The following BACH2 variants were observed in gnomAD, a reference collection of about 807,000 sequenced individuals.
The protein encoded by BACH2 is transcription regulator protein BACH2.
A neutral mutation model predicts 61.8 loss-of-function variants in BACH2; 5 were observed. The ratio of observed to expected loss-of-function variants is 0.08; its 90% CI spans 0.04 to 0.17. BACH2 has a LOEUF of 0.17. Among genes scored for constraint, BACH2 ranks in the 10% least tolerant of loss-of-function variants. BACH2 has a pLI of 1.00. For missense variants in BACH2, 824 were observed against 1,091.1 expected (o/e 0.76, Z 3.45); for synonymous variants, 446 against 440.1 (o/e 1.01, Z -0.17).
At chr6:90,120,123 C>T (rs1783562439) in intron 4 of BACH2, among the ~76,000 whole-genome samples, 1 of 149,870 alleles carries the variant, frequency 6.7e-6, no homozygotes, top group Non-Finnish European at 1.5e-5. Flanking sequence ...ACAAGACAGA[C>T]ATATCACATA....
chr6:90,100,704 C>CACACACACACACACACAG lies in BACH2; in HGVS notation c.-161-11596_-161-11595insCTGTGTGTGTGTGTGTGT, dbSNP rs1554245797. On this transcript the variant is annotated intron_variant, in intron 4 of 8. Coordinates refer to ENST00000257749, the MANE Select transcript of BACH2 (RefSeq NM_021813.4). ...CTCTCTCTACACACACACACACAGA[C>CACACACACACACACACAG]ACACACACACACACACACACACAGA... 8.6e-3 allele frequency among the ~76,000 whole-genome samples: 570 copies of CACACACACACACACACAG among 66,346 alleles called. 5 individuals are homozygous for CACACACACACACACACAG. The highest frequency in any genetic ancestry group is 0.041 in the South Asian group (101 of 2,434). The allele number at this position is 66,346 out of a possible 152,430, so 43.5% of individuals were successfully genotyped here.
intron 7 of BACH2, among the ~76,000 whole-genome samples, chr6:89,942,221 A>T (rs76763694): frequency 7.0e-4 from 107 of 152,312 alleles, no homozygotes; most frequent in African/African-American, 2.4e-3. Flanking sequence ...ACTTGACCAC[A>T]TCCAAGTTGT....
rs60636991 is a variant in BACH2, at chr6:89,927,272, GA to G, written c.*5135del. ...GTGCCATGTCTTTATGTCAGAGCGT[GA>G]AACGGGCATCCCAGGATTTGCACAC... is the stretch of plus-strand genomic sequence containing the variant. On this transcript the variant is annotated 3_prime_UTR_variant, in exon 9 of 9. Transcript: ENST00000257749. The G allele has an allele frequency of 0.041, 6,259 of 152,894 alleles. 430 individuals are homozygous for G. The highest frequency in any genetic ancestry group is 0.14 in the African/African-American group (5,778 of 41,538). 9.5% of individuals were successfully genotyped at this position (152,894 alleles called of 1,614,324 possible).
intron 5 of BACH2, among the ~76,000 whole-genome samples, chr6:90,030,748 G>A (rs920224364): frequency 6.6e-6 from 1 of 151,874 alleles, no homozygotes; most frequent in Non-Finnish European, 1.5e-5. Context: ...GGACCAGATG[G>A]ATTCACAGCC....
At position 90,062,281 on chromosome 6, in the gene BACH2, A is replaced by G. The variant is rs78318422; in HGVS notation, c.-13+26680T>C. ...TATTTGCCAAGTTCTCATGAGGTCT[A>G]CTCCACCCTAGCTTCAAATTTACCC... is the stretch of plus-strand genomic sequence containing the variant. On this transcript the variant is annotated intron_variant, in intron 5 of 8. Coordinates refer to ENST00000257749, the MANE Select transcript of BACH2 (RefSeq NM_021813.4). Among the ~76,000 whole-genome samples the G allele has an allele frequency of 5.9e-3, 901 of 152,150 alleles. 52 individuals carry two copies. The East Asian group carries it at 0.14, about 23-fold the overall frequency.
At chr6:89,955,372 T>C (rs1458850297) in intron 6 of BACH2, among the ~76,000 whole-genome samples, 1 of 152,176 alleles carries the variant, frequency 6.6e-6, no homozygotes, top group Non-Finnish European at 1.5e-5. Context: ...GAAAAGCCAT[T>C]GCAAGATTAT....
intron 5 of BACH2, among the ~76,000 whole-genome samples, chr6:90,033,012 G>A (rs1582235381): frequency 1.3e-5 from 2 of 152,082 alleles, no homozygotes; most frequent in Admixed American, 1.3e-4. Context: ...ATACACCATG[G>A]AATACTATGC....
At chr6:90,254,124 A>G (rs1445168575) in intron 2 of BACH2, among the ~76,000 whole-genome samples, 2 of 152,040 alleles carry the variant, frequency 1.3e-5, no homozygotes, top group Admixed American at 6.6e-5. Context: ...AGGGCCAGAA[A>G]TAAACCCCAA....
intron 5 of BACH2, among the ~76,000 whole-genome samples, chr6:90,026,397 T>C (rs760665160): frequency 6.6e-6 from 1 of 152,210 alleles, no homozygotes; most frequent in Non-Finnish European, 1.5e-5. Context: ...ACCAGGTCAG[T>C]GACAATGCTG....
At chr6:90,180,668 G>C (rs114946671) in intron 4 of BACH2, among the ~76,000 whole-genome samples, 2,288 of 152,156 alleles carry the variant, frequency 0.015, 66 homozygotes, top group African/African-American at 0.05. Context: ...TAGAATAATG[G>C]CCTCCAGTTC....
chr6:90,228,415 G>A (rs1769984869), intron 3 of BACH2, among the ~76,000 whole-genome samples: 1 of 152,064 alleles, frequency 6.6e-6, no homozygotes, highest in African/African-American at 2.4e-5. Flanking sequence ...TTTTGCTCCT[G>A]GAAGAAAAAA....
chr6:90,110,802 G>T (rs1452616253), intron 4 of BACH2, among the ~76,000 whole-genome samples: 1 of 152,106 alleles, frequency 6.6e-6, no homozygotes, highest in South Asian at 2.1e-4. Context: ...TTCAGCTTGC[G>T]ACTCAAACAA....
chr6:90,059,451 C>T lies in BACH2; in HGVS notation c.-13+29510G>A, dbSNP rs558830516. On this transcript the variant is annotated intron_variant, in intron 5 of 8. Coordinates refer to ENST00000257749, the MANE Select transcript of BACH2 (RefSeq NM_021813.4). ...TACCATCTCAAACCAGTTAGAATGG[C>T]GATCATTAAAAAGTCAGGAAACAAC... Among the ~76,000 whole-genome samples the T allele has an allele frequency of 3.5e-4, 53 of 152,168 alleles. 1 individual carries two copies. In the East Asian group the frequency reaches 9.3e-3, roughly 27 times the overall value.
At chr6:89,947,324 T>C (rs367737967) in intron 7 of BACH2, among the ~76,000 whole-genome samples, 26 of 152,226 alleles carry the variant, frequency 1.7e-4, no homozygotes, top group African/African-American at 5.3e-4. Flanking sequence ...TCAAAGTAAC[T>C]CCCTAAAGCA....
chr6:90,068,907 C>T (rs920601039), intron 5 of BACH2, among the ~76,000 whole-genome samples: 3 of 152,166 alleles, frequency 2.0e-5, no homozygotes, highest in East Asian at 1.9e-4. Flanking sequence ...CCTGGATTCG[C>T]GCCGTAATCA....
chr6:89,935,254 C>A (rs1309770851), intron 8 of BACH2, among the ~76,000 whole-genome samples: 8 of 152,280 alleles, frequency 5.3e-5, no homozygotes, highest in Non-Finnish European at 2.9e-5. Flanking sequence ...AAACAAAACA[C>A]ATCTGGGATG....
Position 89,928,763 on chromosome 6 carries a change from GAC to G in BACH2, c.*3643_*3644del, listed in dbSNP as rs1290295691. On this transcript the variant is annotated 3_prime_UTR_variant, in exon 9 of 9. Transcript: ENST00000257749. ...ATTACTCGCACAACATTCAGTTGCA[GAC>G]ACACAGAGTCAGGTTTTCCACTGCA... The G allele has an allele frequency of 1.3e-5, 2 of 152,532 alleles. No individual in the cohort carries two copies. The highest frequency in any genetic ancestry group is 2.4e-5 in the African/African-American group (1 of 41,366). The allele number at this position is 152,532 out of a possible 1,614,324, so 9.4% of individuals were successfully genotyped here.
intron 3 of BACH2, among the ~76,000 whole-genome samples, chr6:90,236,315 C>G (rs769049442): frequency 6.6e-5 from 10 of 152,206 alleles, no homozygotes; most frequent in Admixed American, 1.3e-4. Context: ...CGATTAGAAA[C>G]AGTATGCTAG....
chr6:90,181,337 G>C, intron 4 of BACH2, among the ~76,000 whole-genome samples: 1 of 151,942 alleles, frequency 6.6e-6, no homozygotes. Flanking sequence ...TGGTGTGTGT[G>C]TGTGTGTGTG....
Sources: gnomAD v4.1 joint callset for allele counts (sites outside exome capture counted in the v4.1 genomes callset) on GRCh38, gnomAD v4.1.1 for gene constraint, MANE v1.5 for transcripts, NCBI Gene and HGNC (gene_info 2026-07-23, HGNC 2026-07-21) for gene names.